TMTC1: variants seen among roughly 807,000 people sequenced by gnomAD.
TMTC1 encodes protein O-mannosyl-transferase TMTC1.
TMTC1 carries 73 observed loss-of-function variants against 104.8 expected under a neutral mutation model. The ratio of observed to expected loss-of-function variants is 0.70; its 90% CI spans 0.58 to 0.85. TMTC1 has a LOEUF of 0.85. Ranked by LOEUF, TMTC1 falls within the 40% of genes least tolerant of loss-of-function variation. The pLI, the probability that TMTC1 is intolerant of heterozygous loss-of-function variation, is 0.00. For synonymous variants in TMTC1, 434 were observed against 428.7 expected (o/e 1.01, Z -0.15); for missense variants, 1,035 against 1,096.1 (o/e 0.94, Z 0.79).
At chr12:29,631,745 C>T (rs1035924601) in intron 6 of TMTC1, among the ~76,000 whole-genome samples, 6 of 152,288 alleles carry the variant, frequency 3.9e-5, no homozygotes, top group African/African-American at 1.4e-4. Context: ...TGTTTGAATA[C>T]ATTTGATGAG....
chr12:29,702,064 T>C (rs558480185), intron 5 of TMTC1, among the ~76,000 whole-genome samples: 1 of 152,318 alleles, frequency 6.6e-6, no homozygotes, highest in East Asian at 1.9e-4. Flanking sequence ...AATATGAATA[T>C]ATACTATAAT....
At chr12:29,731,318 G>A (rs764061439) in intron 5 of TMTC1, among the ~76,000 whole-genome samples, 2 of 152,068 alleles carry the variant, frequency 1.3e-5, no homozygotes, top group Non-Finnish European at 2.9e-5. Flanking sequence ...CACCATGCCC[G>A]GCTAATTTCT....
upstream of TMTC1, chr12:29,784,600 C>G (rs1263935791): frequency 6.6e-6 from 1 of 152,300 alleles, no homozygotes; most frequent in Non-Finnish European, 1.5e-5. Flanking sequence ...GCCACCGGCT[C>G]TTTAACTTTA....
At chr12:29,559,327 C>T (rs299484) in intron 9 of TMTC1, among the ~76,000 whole-genome samples, 111,989 of 152,094 alleles carry the variant, frequency 0.74, 45,882 homozygotes, top group East Asian at 0.98. Context: ...CGGTCATCTC[C>T]GGCAAGTTTT....
chr12:29,510,466 T>C (rs1015374027), intron 17 of TMTC1, among the ~76,000 whole-genome samples: 9 of 152,224 alleles, frequency 5.9e-5, no homozygotes, highest in African/African-American at 2.2e-4. Flanking sequence ...AAGTTCATTC[T>C]ATGTTTCCCA....
At chr12:29,706,065 T>G (rs922013687) in intron 5 of TMTC1, among the ~76,000 whole-genome samples, 1 of 152,192 alleles carries the variant, frequency 6.6e-6, no homozygotes, top group Non-Finnish European at 1.5e-5. Flanking sequence ...CTCCCAAAGC[T>G]TACCAGAAAT....
At chr12:29,573,522 G>T (rs1455587777) in intron 8 of TMTC1, among the ~76,000 whole-genome samples, 3 of 152,132 alleles carry the variant, frequency 2.0e-5, no homozygotes, top group Non-Finnish European at 4.4e-5. Context: ...GTAGGAGGAG[G>T]GGATTACAAG....
At chr12:29,542,483 T>A (rs1300748808) in intron 10 of TMTC1, among the ~76,000 whole-genome samples, 1 of 152,222 alleles carries the variant, frequency 6.6e-6, no homozygotes, top group Admixed American at 6.5e-5. Context: ...CTCCGTGATC[T>A]AAAATATTTT....
At chr12:29,568,966 A>C (rs900772450) in intron 9 of TMTC1, 2 of 455,882 alleles carry the variant, frequency 4.4e-6, no homozygotes, top group Admixed American at 2.4e-5. Flanking sequence ...AGCATAGATA[A>C]TCCCAAGCTT....
intron 12 of TMTC1, among the ~76,000 whole-genome samples, chr12:29,520,000 C>T (rs1055056908): frequency 5.3e-5 from 8 of 152,206 alleles, no homozygotes; most frequent in South Asian, 2.1e-4. Context: ...TTTGGCCTTA[C>T]ATTTAAATAT....
intron 6 of TMTC1, among the ~76,000 whole-genome samples, chr12:29,608,642 G>T (rs1208919246): frequency 6.6e-6 from 1 of 152,150 alleles, no homozygotes; most frequent in East Asian, 1.9e-4. Context: ...GCTATTATAG[G>T]TGTTAGGTTT....
intron 5 of TMTC1, among the ~76,000 whole-genome samples, chr12:29,718,936 A>T (rs1942158384): frequency 6.6e-6 from 1 of 151,318 alleles, no homozygotes; most frequent in Admixed American, 6.6e-5. Context: ...CCATCTCAAA[A>T]AAAAAAAAAA....
chr12:29,741,597 G>C (rs1338244864), intron 5 of TMTC1, among the ~76,000 whole-genome samples: 1 of 152,140 alleles, frequency 6.6e-6, no homozygotes, highest in Non-Finnish European at 1.5e-5. Flanking sequence ...GCACTACCCT[G>C]TGCTATCTCT....
At chr12:29,667,152 T>A (rs1037178441) in intron 5 of TMTC1, among the ~76,000 whole-genome samples, 3 of 152,180 alleles carry the variant, frequency 2.0e-5, no homozygotes, top group African/African-American at 7.2e-5. Flanking sequence ...CTTAAGTGTT[T>A]ATGGGTTCTC....
At chr12:29,578,582 T>G (rs541141711) in intron 8 of TMTC1, among the ~76,000 whole-genome samples, 3 of 152,160 alleles carry the variant, frequency 2.0e-5, no homozygotes, top group Non-Finnish European at 2.9e-5. Context: ...AATAAACATC[T>G]CCCTTTCAAC....
chr12:29,608,015 A>C (rs1466807347), intron 6 of TMTC1, among the ~76,000 whole-genome samples: 3 of 152,204 alleles, frequency 2.0e-5, no homozygotes, highest in Non-Finnish European at 4.4e-5. Flanking sequence ...CATTTTGAGA[A>C]AATTAATACT....
intron 5 of TMTC1, among the ~76,000 whole-genome samples, chr12:29,715,340 G>C (rs911425643): frequency 3.9e-5 from 6 of 151,992 alleles, no homozygotes; most frequent in African/African-American, 1.2e-4. Flanking sequence ...TATATGAAAA[G>C]GTTTCTCATT....
In TMTC1 at chr12:29,727,980, G is replaced by A. The variant is rs980723551; in HGVS notation, c.938+23686C>T. Among the ~76,000 whole-genome samples the A allele has an allele frequency of 4.6e-5, 7 of 152,266 alleles. No homozygotes were observed. The South Asian group carries it at 6.2e-4, about 14-fold the overall frequency. ...AATTTAAGAATTAGGAGTTTAAAGC[G>A]AAGCAACGACTGGCCACACAACATT... is the stretch of plus-strand genomic sequence containing the variant. On this transcript the variant is annotated intron_variant, in intron 5 of 17. Transcript: ENST00000539277.
At chr12:29,706,811 C>T (rs930975422) in intron 5 of TMTC1, among the ~76,000 whole-genome samples, 8 of 151,958 alleles carry the variant, frequency 5.3e-5, no homozygotes, top group Admixed American at 5.2e-4. Context: ...TTTCTCTTTC[C>T]AGAACACCAT....
Sources: gnomAD v4.1 joint callset for allele counts (sites outside exome capture counted in the v4.1 genomes callset) on GRCh38, gnomAD v4.1.1 for gene constraint, MANE v1.5 for transcripts, NCBI Gene and HGNC (gene_info 2026-07-23, HGNC 2026-07-21) for gene names.